The following CNOT2 variants were observed in gnomAD, a reference collection of about 807,000 sequenced individuals.
CNOT2 encodes the protein CC chemokine receptor 4-negative regulator of transcription 2.
CNOT2 carries 7 observed loss-of-function variants against 72.1 expected under a neutral mutation model. The observed-to-expected ratio is 0.10, with a 90% CI of 0.06 to 0.18. The LOEUF is 0.18. Among genes scored for constraint, CNOT2 ranks in the 10% least tolerant of loss-of-function variants. CNOT2 has a pLI of 1.00. For missense variants in CNOT2, 345 were observed against 660.3 expected (o/e 0.52, Z 5.23); for synonymous variants, 196 against 225.6 (o/e 0.87, Z 1.17).
chr12:70,345,973 T>C (rs1445987807), intron 14 of CNOT2: 23 of 455,210 alleles, frequency 5.1e-5, no homozygotes, highest in Non-Finnish European at 6.9e-5. Context: ...TATTAATTAG[T>C]GTGCCTTCTG....
intron 1 of CNOT2, among the ~76,000 whole-genome samples, chr12:70,271,915 A>T (rs886836697): frequency 6.6e-6 from 1 of 152,060 alleles, no homozygotes; most frequent in African/African-American, 2.4e-5. Context: ...GATGTGCATT[A>T]TACAAAAAAT....
intron 3 of CNOT2, among the ~76,000 whole-genome samples, chr12:70,316,026 C>T (rs969743704): frequency 3.3e-5 from 5 of 152,118 alleles, no homozygotes; most frequent in Admixed American, 2.0e-4. Context: ...ATTTATTGAG[C>T]ACATACTATA....
intron 1 of CNOT2, among the ~76,000 whole-genome samples, chr12:70,250,850 G>A (rs1232694917): frequency 1.3e-5 from 2 of 152,114 alleles, no homozygotes; most frequent in Non-Finnish European, 2.9e-5. Flanking sequence ...GGGGAGAAGA[G>A]GTGATTAAAG....
At chr12:70,287,213 AT>A (rs34310709) in intron 2 of CNOT2, among the ~76,000 whole-genome samples, 68,390 of 147,726 alleles carry the variant, frequency 0.46, 17,788 homozygotes, top group Middle Eastern at 0.57. Context: ...TACCTTATAT[AT>A]TTTTTTCCTC....
intron 1 of CNOT2, among the ~76,000 whole-genome samples, chr12:70,259,571 G>A (rs1958643958): frequency 6.6e-6 from 1 of 152,074 alleles, no homozygotes; most frequent in Admixed American, 6.5e-5. Context: ...GTATATTTGA[G>A]ATTTTTTCTA....
intron 11 of CNOT2, 136 bp from the exon 12 acceptor site, chr12:70,341,971 A>G (rs1477358384): frequency 1.3e-5 from 9 of 689,388 alleles, no homozygotes; most frequent in Middle Eastern, 2.7e-4. Flanking sequence ...TTGCTTCTGT[A>G]TAAGTCAGTA....
At chr12:70,307,597 A>G (rs1463921418) in intron 2 of CNOT2, 4 of 151,494 alleles carry the variant, frequency 2.6e-5, no homozygotes, top group Non-Finnish European at 5.9e-5. Flanking sequence ...ACTTTTTAAC[A>G]TACGTTGTAA....
At chr12:70,324,655 TCC>T (rs761628263) in intron 4 of CNOT2, among the ~76,000 whole-genome samples, 54 of 151,800 alleles carry the variant, frequency 3.6e-4, no homozygotes, top group Non-Finnish European at 6.9e-4. Context: ...CCTCTAAAGA[TCC>T]AGCCAGATGT....
chr12:70,286,954 T>C (rs2135846265), intron 2 of CNOT2, among the ~76,000 whole-genome samples: 1 of 152,202 alleles, frequency 6.6e-6, no homozygotes, highest in East Asian at 1.9e-4. Flanking sequence ...AAAAAATTTT[T>C]AGTTATAGGT....
chr12:70,273,059 G>A (rs1868300617), intron 1 of CNOT2, among the ~76,000 whole-genome samples: 1 of 151,956 alleles, frequency 6.6e-6, no homozygotes, highest in Admixed American at 6.6e-5. Flanking sequence ...TGTATCATCA[G>A]CATTTCCCTC....
chr12:70,250,621 A>C (rs1208793964), intron 1 of CNOT2, among the ~76,000 whole-genome samples: 1 of 152,132 alleles, frequency 6.6e-6, no homozygotes, highest in Non-Finnish European at 1.5e-5. Context: ...GCAATTGATT[A>C]GAAATGGAAA....
intron 9 of CNOT2, chr12:70,338,153 GA>G (rs548450666): frequency 2.2e-4 from 56 of 257,662 alleles, no homozygotes; most frequent in Non-Finnish European, 3.8e-4. Flanking sequence ...AAAGCATAAA[GA>G]CCTGAGAAAG....
At chr12:70,251,148 T>A (rs1264652187) in intron 1 of CNOT2, among the ~76,000 whole-genome samples, 1 of 152,210 alleles carries the variant, frequency 6.6e-6, no homozygotes, top group Non-Finnish European at 1.5e-5. Context: ...TTAATTAGAT[T>A]TTCTTGTACA....
intron 1 of CNOT2, among the ~76,000 whole-genome samples, chr12:70,273,090 C>T (rs1868302214): frequency 6.6e-6 from 1 of 152,046 alleles, no homozygotes; most frequent in African/African-American, 2.4e-5. Context: ...TTTTTCCTGT[C>T]TTTAAAAAAA....
At chr12:70,260,853 ATTT>A (rs55908570) in intron 1 of CNOT2, among the ~76,000 whole-genome samples, 3 of 135,712 alleles carry the variant, frequency 2.2e-5, no homozygotes, top group African/African-American at 5.4e-5. Flanking sequence ...GATGCATTCT[ATTT>A]TTTTTTTTTT....
chr12:70,332,831 AT>A lies in CNOT2; in HGVS notation c.639del (p.Phe213LeufsTer10). 1 of 1,604,868 alleles carries A rather than the reference AT, an allele frequency of 6.2e-7. No homozygotes were observed. The highest frequency in any genetic ancestry group is 1.7e-5 in the Admixed American group (1 of 58,938). On this transcript the variant is annotated frameshift_variant, in exon 7 of 16. Transcript: ENST00000229195. LOFTEE classifies it high-confidence loss of function. ...FGMNNSLSSN[I>X]FNGTDGSENV... Reference sequence around the variant, plus strand: ...AATGAATAACTCCTTATCAAGTAACATTTTTAATGGAACAGGTAAGCTTATT... The same window carrying A: ...AATGAATAACTCCTTATCAAGTAACATTTTAATGGAACAGGTAAGCTTATT...
chr12:70,309,575 G>A (rs1876094015), intron 2 of CNOT2, among the ~76,000 whole-genome samples: 1 of 152,112 alleles, frequency 6.6e-6, no homozygotes, highest in African/African-American at 2.4e-5. Context: ...TTTGAAATGA[G>A]ACATGGAAAT....
rs79482870 is a variant in CNOT2, at chr12:70,338,965, T to A, written c.1178+143T>A. On this transcript the variant is annotated intron_variant, in intron 11 of 15. Coordinates refer to ENST00000229195, the MANE Select transcript of CNOT2 (RefSeq NM_014515.7). ...CTGGGTCATTCCCATTCATGTTAGC[T>A]CTTAGATCACTGTCACTCTGCAGTA... 38 of 707,716 alleles carry A rather than the reference T, an allele frequency of 5.4e-5. No individual in the cohort carries two copies. The East Asian group carries it at 9.3e-4, about 17-fold the overall frequency. The allele number at this position is 707,716 out of a possible 1,614,324, so 43.8% of individuals were successfully genotyped here.
intron 1 of CNOT2, among the ~76,000 whole-genome samples, chr12:70,271,279 G>A (rs1258912592): frequency 6.6e-6 from 1 of 150,998 alleles, no homozygotes; most frequent in Non-Finnish European, 1.5e-5. Flanking sequence ...TTTCCCTTAT[G>A]TCTCACTAGC....
Sources: gnomAD v4.1 joint callset for allele counts (sites outside exome capture counted in the v4.1 genomes callset) on GRCh38, gnomAD v4.1.1 for gene constraint, MANE v1.5 for transcripts, NCBI Gene and HGNC (gene_info 2026-07-23, HGNC 2026-07-21) for gene names.